The following BRAT1 variants were observed in gnomAD, a reference collection of about 807,000 sequenced individuals.
BRAT1 encodes BRCA1 associated ATM activator 1.
In BRAT1, 74 loss-of-function variants were observed where a neutral mutation model predicts 70.6. The ratio of observed to expected loss-of-function variants is 1.05; its 90% confidence interval spans 0.87 to 1.27. The LOEUF (loss-of-function observed/expected upper bound fraction) is 1.27, where lower values mean the gene tolerates loss of function less well. BRAT1 is among the 50% of genes most tolerant of loss of function. BRAT1 has a pLI of 0.00. For missense variants in BRAT1, 1,203 were observed against 1,098.2 expected (o/e 1.10, Z -1.35); for synonymous variants, 615 against 517.1 (o/e 1.19, Z -2.57).
intron 2 of BRAT1, among the ~76,000 whole-genome samples, chr7:2,548,093 CA>C (rs57069903): frequency 0.039 from 3,883 of 98,736 alleles, 51 homozygotes; most frequent in South Asian, 0.11. Flanking sequence ...GACTCCATTC[CA>C]AAAAAAAAAA....
chr7:2,554,031 C>G (rs945111226), intron 2 of BRAT1, among the ~76,000 whole-genome samples: 12 of 152,298 alleles, frequency 7.9e-5, no homozygotes, highest in Non-Finnish European at 1.6e-4. Flanking sequence ...CAAGTTTGTT[C>G]ACGCCTTCTG....
At chr7:2,541,589 T>C (rs1230394983) in intron 8 of BRAT1, 105 bp from the exon 9 acceptor site, 3 of 1,457,474 alleles carry the variant, frequency 2.1e-6, no homozygotes, top group African/African-American at 2.8e-5. Context: ...TCAGCCAAGG[T>C]TGTGGTCCCA....
intron 3 of BRAT1, 93 bp downstream of exon 3, chr7:2,547,231 G>A (rs1020912196): frequency 1.3e-6 from 2 of 1,502,400 alleles, no homozygotes; most frequent in South Asian, 1.2e-5. Flanking sequence ...TGGGACTTGG[G>A]ATGGTGATGG....
Position 2,547,483 on chromosome 7 carries a change from G to A in BRAT1, c.128-5C>T. On this transcript the variant is annotated splice_region_variant and splice_polypyrimidine_tract_variant and intron_variant, in intron 2 of 13. Coordinates refer to ENST00000340611, the MANE Select transcript of BRAT1 (RefSeq NM_152743.4). ...GCAGCAGCACGACACTGGACTCTGTGGGGATGGCCCAGCCCAGGGGTCACC... is the reference window on the plus strand; with the variant it reads ...GCAGCAGCACGACACTGGACTCTGTAGGGATGGCCCAGCCCAGGGGTCACC... The A allele has an allele frequency of 1.2e-6, 2 of 1,613,774 alleles. No individual in the cohort carries two copies. The highest frequency in any genetic ancestry group is 1.7e-6 in the Non-Finnish European group (2 of 1,179,938).
Position 2,540,987 on chromosome 7 carries a change from T to A in BRAT1, c.1387A>T (p.Ser463Cys). 6.4e-7 allele frequency: 1 copy of A among 1,551,714 alleles called. No homozygotes were observed. Among genetic ancestry groups the A allele is most frequent in the Non-Finnish European group, 8.6e-7 (1 of 1,160,828 alleles). ...LLECLESPGS[S>C]PTVLKKAFQA... The stretch of plus-strand genomic sequence containing the variant: ...TATCCCCACCACCGTACCGTGGGGC[T>A]GGAGCCGGGGCTCTCGAGGCACTCC... The change falls in exon 10 of 14, where the codon AGC (serine) becomes TGC (cysteine). Residue 463 changes from serine (S) to cysteine (C), a missense_variant. Physicochemically the swap from Ser to Cys is moderately radical, Grantham distance 112. Transcript: ENST00000340611.
chr7:2,551,834 C>CTA (rs1780026641), intron 2 of BRAT1, among the ~76,000 whole-genome samples: 1 of 151,084 alleles, frequency 6.6e-6, no homozygotes, highest in Admixed American at 6.6e-5. Context: ...GTCTCAACAG[C>CTA]TATAAAGATT....
In BRAT1 at chr7:2,539,572, G is replaced by C. The variant is rs1778981347; in HGVS notation, c.1569C>G (p.Phe523Leu). 1.3e-6 allele frequency: 2 copies of C among 1,578,064 alleles called. No individual in the cohort carries two copies. The highest frequency in any genetic ancestry group is 1.7e-6 in the Non-Finnish European group (2 of 1,161,184). The change falls in exon 12 of 14, where the codon TTC (phenylalanine) becomes TTG (leucine). Residue 523 changes from phenylalanine (F) to leucine (L), a missense_variant. By Grantham distance (22) the Phe-to-Leu change is conservative. Transcript: ENST00000340611. Reference protein sequence around the residue: ...CWEVRDSALEFLTQLSRHWGG... With the variant: ...CWEVRDSALELLTQLSRHWGG... The stretch of plus-strand genomic sequence containing the variant: ...CCCAGTGCCTGCTCAGCTGGGTCAG[G>C]AACTCGAGGGCGGAGTCCCTCACCT...
intron 2 of BRAT1, among the ~76,000 whole-genome samples, chr7:2,548,799 T>C (rs1779795787): frequency 6.6e-6 from 1 of 151,786 alleles, no homozygotes; most frequent in Non-Finnish European, 1.5e-5. Context: ...ACCCTGTCTC[T>C]ACTAAAATAT....
Position 2,547,537 on chromosome 7 carries a change from A to G in BRAT1, c.128-59T>C, listed in dbSNP as rs1779706707. 9 of 1,564,842 alleles carry G rather than the reference A, an allele frequency of 5.8e-6. No homozygotes were observed. The East Asian group carries it at 2.0e-4, about 35-fold the overall frequency. Reference sequence around the variant, plus strand: ...GGTACGGCACCAGGTGTCCCCCTGGATGACCGCTCTTCTCCTAGCAATTCC... The same window carrying G: ...GGTACGGCACCAGGTGTCCCCCTGGGTGACCGCTCTTCTCCTAGCAATTCC... On this transcript the variant is annotated intron_variant, in intron 2 of 13. Transcript: ENST00000340611.
chr7:2,542,317 A>T, intron 6 of BRAT1, 106 bp from the exon 7 acceptor site: 1 of 925,966 alleles, frequency 1.1e-6, no homozygotes, highest in Non-Finnish European at 1.7e-6. Flanking sequence ...GGGGGTTGGG[A>T]CACCCCCCGA....
At chr7:2,547,999 G>A (rs1311993380) in intron 2 of BRAT1, among the ~76,000 whole-genome samples, 1 of 150,746 alleles carries the variant, frequency 6.6e-6, no homozygotes, top group Non-Finnish European at 1.5e-5. Context: ...CAGGAGAATC[G>A]CTTGAACCTG....
chr7:2,538,328 A>G lies in BRAT1; in HGVS notation c.2207T>C (p.Leu736Pro). ...LRDKIASYSS[L>P]REARGSPNTA... is the part of the protein sequence containing the mutation. ...GTTGGGGCTGCCCCTGGCCTCCCGC[A>G]GGCTGCTGTAGGAAGCAATCTTGTC... Residue 736 changes from leucine to proline, a missense_variant, in exon 14 of 14, where the codon CTG becomes CCG. Transcript: ENST00000340611. The G allele has an allele frequency of 6.2e-7, 1 of 1,613,074 alleles. No homozygotes were observed. The highest frequency in any genetic ancestry group is 8.5e-7 in the Non-Finnish European group (1 of 1,179,914).
intron 2 of BRAT1, among the ~76,000 whole-genome samples, chr7:2,548,041 G>T (rs942202883): frequency 6.7e-6 from 1 of 148,390 alleles, no homozygotes; most frequent in Middle Eastern, 3.2e-3. Context: ...CCAAGACCAC[G>T]TCATTGCACA....
chr7:2,539,106 A>G (rs1202030107), intron 13 of BRAT1, 73 bp downstream of exon 13: 1 of 1,521,530 alleles, frequency 6.6e-7, no homozygotes, highest in Admixed American at 2.0e-5. Flanking sequence ...TGGCCGCTCG[A>G]CCACCCGCAA....
Position 2,538,070 on chromosome 7 carries a change from C to A in BRAT1, c.2465G>T (p.Ter822LeuextTer53). Residue 822 changes from the stop codon to leucine, a stop_lost, in exon 14 of 14, where the codon TGA becomes TTA. Transcript: ENST00000340611. Reference protein sequence around the residue: ...FLQGDEADCY* With the variant: ...FLQGDEADCYL Reference sequence around the variant, plus strand: ...CCCAGTGGCAGACTCTGGTTCTGCTCAGTAGCAGTCGGCCTCGTCCCCCTG... The same window carrying A: ...CCCAGTGGCAGACTCTGGTTCTGCTAAGTAGCAGTCGGCCTCGTCCCCCTG... The A allele has an allele frequency of 6.4e-7, 1 of 1,559,372 alleles. No homozygotes were observed. The highest frequency in any genetic ancestry group is 1.2e-5 in the South Asian group (1 of 83,794).
chr7:2,538,988 G>C, intron 13 of BRAT1, 191 bp downstream of exon 13: 1 of 1,438,704 alleles, frequency 7.0e-7, no homozygotes, highest in African/African-American at 1.4e-5. Context: ...GGGTGCTGGG[G>C]AGACAGAAGG....
intron 13 of BRAT1, 174 bp downstream of exon 13, chr7:2,539,005 G>C: frequency 4.2e-6 from 6 of 1,434,650 alleles, no homozygotes; most frequent in Non-Finnish European, 3.6e-6. Flanking sequence ...AAGGCGAAGC[G>C]CACAGGTCCC....
chr7:2,538,572 G>A lies in BRAT1; in HGVS notation c.1963C>T (p.Leu655=). ...DLDWEVRAQG[L]ELALVFLGQT... Reference sequence around the variant, plus strand: ...CCCAGGAACACGAGGGCCAGCTCCAGGCCCTGGGCGCGGACCTCCCAGTCC... The same window carrying A: ...CCCAGGAACACGAGGGCCAGCTCCAAGCCCTGGGCGCGGACCTCCCAGTCC... Residue 655 remains leucine (L), a synonymous_variant, in exon 14 of 14, where the codon CTG becomes TTG. Coordinates refer to ENST00000340611, the MANE Select transcript of BRAT1 (RefSeq NM_152743.4). The A allele has an allele frequency of 5.0e-6, 8 of 1,599,514 alleles. No homozygotes were observed. Among genetic ancestry groups the A allele is most frequent in the Non-Finnish European group, 6.8e-6 (8 of 1,178,110 alleles).
intron 10 of BRAT1, chr7:2,540,253 G>T: frequency 5.0e-6 from 1 of 199,544 alleles, no homozygotes; most frequent in Non-Finnish European, 1.0e-5. Context: ...TTTTTGTAGA[G>T]ATGGGATCTT....
Sources: allele counts gnomAD v4.1 joint callset (sites outside exome capture counted in the v4.1 genomes callset), GRCh38; gene constraint gnomAD v4.1.1; transcripts MANE v1.5; gene names NCBI Gene and HGNC (gene_info 2026-07-23, HGNC 2026-07-21).